GABRB2: variants seen among roughly 807,000 people sequenced by gnomAD.
GABRB2 encodes gamma-aminobutyric acid receptor subunit beta-2.
A neutral mutation model predicts 54.7 loss-of-function variants in GABRB2; 16 were observed. The observed-to-expected ratio is 0.29, with a 90% CI of 0.20 to 0.44. GABRB2 has a LOEUF of 0.44. GABRB2 is among the 20% of genes least tolerant of loss of function. GABRB2 has a pLI of 1.00. For missense variants in GABRB2, 355 were observed against 644.0 expected, an observed-to-expected ratio of 0.55 and a Z score of 4.86; for synonymous variants, 244 against 233.8, an observed-to-expected ratio of 1.04 and a Z score of -0.40.
At chr5:161,349,240 C>T (rs572537763) in intron 5 of GABRB2, among the ~76,000 whole-genome samples, 2 of 151,860 alleles carry the variant, frequency 1.3e-5, no homozygotes, top group African/African-American at 4.8e-5. Flanking sequence ...AAAAAAATTC[C>T]TTAAATAAAC....
chr5:161,444,408 A>T (rs1757553899), intron 4 of GABRB2, among the ~76,000 whole-genome samples: 1 of 152,178 alleles, frequency 6.6e-6, no homozygotes, highest in African/African-American at 2.4e-5. Context: ...TCTCACTAGA[A>T]AGGGTTTTCT....
chr5:161,382,663 G>A (rs1370801754), intron 5 of GABRB2, among the ~76,000 whole-genome samples: 1 of 152,068 alleles, frequency 6.6e-6, no homozygotes, highest in African/African-American at 2.4e-5. Flanking sequence ...GGCTCCTAAG[G>A]ACCTAAAATC....
At chr5:161,490,070 A>T (rs1295830815) in intron 3 of GABRB2, among the ~76,000 whole-genome samples, 1 of 151,706 alleles carries the variant, frequency 6.6e-6, no homozygotes, top group Non-Finnish European at 1.5e-5. Flanking sequence ...TGCCCTACAT[A>T]TAAATGTTTT....
At chr5:161,386,080 G>A (rs1256682078) in intron 5 of GABRB2, among the ~76,000 whole-genome samples, 1 of 151,452 alleles carries the variant, frequency 6.6e-6, no homozygotes, top group East Asian at 1.9e-4. Context: ...TTGACCACTA[G>A]ACAGTTTCCA....
At chr5:161,477,783 A>C (rs746200811) in intron 3 of GABRB2, among the ~76,000 whole-genome samples, 1 of 151,938 alleles carries the variant, frequency 6.6e-6, no homozygotes, top group Non-Finnish European at 1.5e-5. Flanking sequence ...ATAAAGTAGC[A>C]TAGTGGTTTT....
At chr5:161,503,616 G>A (rs961282483) in intron 3 of GABRB2, among the ~76,000 whole-genome samples, 1 of 148,456 alleles carries the variant, frequency 6.7e-6, no homozygotes, top group Admixed American at 6.9e-5. Context: ...ACTGAGAGCA[G>A]AAGAATCCCT....
At chr5:161,442,241 C>A (rs917622423) in intron 4 of GABRB2, among the ~76,000 whole-genome samples, 1 of 151,904 alleles carries the variant, frequency 6.6e-6, no homozygotes. Flanking sequence ...TGTACCCCTA[C>A]AAATGTACTT....
chr5:161,343,756 G>A (rs13184488), intron 5 of GABRB2, among the ~76,000 whole-genome samples: 4,022 of 152,130 alleles, frequency 0.026, 71 homozygotes, highest in Non-Finnish European at 0.034. Context: ...TATAAGGTCC[G>A]TCTCTACAGA....
chr5:161,513,656 G>C (rs1004724444), intron 3 of GABRB2, among the ~76,000 whole-genome samples: 1 of 151,978 alleles, frequency 6.6e-6, no homozygotes, highest in Admixed American at 6.6e-5. Flanking sequence ...TGGCTGGCAA[G>C]GGTTGAAAAA....
chr5:161,457,947 G>A (rs1016459915), intron 4 of GABRB2, among the ~76,000 whole-genome samples: 4 of 152,048 alleles, frequency 2.6e-5, no homozygotes, highest in African/African-American at 7.2e-5. Flanking sequence ...AAGAGTGCAG[G>A]GTGATTTCTG....
intron 9 of GABRB2, among the ~76,000 whole-genome samples, chr5:161,301,155 C>A (rs1757526681): frequency 6.6e-6 from 1 of 152,110 alleles, no homozygotes. Flanking sequence ...GGTTTCTGTT[C>A]CCAATTACCA....
chr5:161,355,708 T>TA (rs1189919022), intron 5 of GABRB2, among the ~76,000 whole-genome samples: 6 of 150,892 alleles, frequency 4.0e-5, no homozygotes, highest in African/African-American at 4.9e-5. Flanking sequence ...TAGTAACTGA[T>TA]AAAAAAAAAG....
At chr5:161,310,671 A>G (rs879673381) in intron 9 of GABRB2, among the ~76,000 whole-genome samples, 60 of 122,814 alleles carry the variant, frequency 4.9e-4, no homozygotes, top group Non-Finnish European at 6.7e-4. Flanking sequence ...ACGCACGCGC[A>G]CGCGCGCACA....
At chr5:161,535,471 T>C (rs1760604345) in intron 3 of GABRB2, among the ~76,000 whole-genome samples, 1 of 152,140 alleles carries the variant, frequency 6.6e-6, no homozygotes, top group Admixed American at 6.5e-5. Context: ...AAAACAACTA[T>C]AACGAAACAA....
intron 3 of GABRB2, among the ~76,000 whole-genome samples, chr5:161,503,815 T>C (rs1437270761): frequency 6.6e-6 from 1 of 151,690 alleles, no homozygotes; most frequent in Non-Finnish European, 1.5e-5. Flanking sequence ...TTGCCCTTCA[T>C]AAGAGAGGCA....
chr5:161,412,846 T>G (rs1756560193), intron 4 of GABRB2, among the ~76,000 whole-genome samples: 1 of 152,220 alleles, frequency 6.6e-6, no homozygotes, highest in South Asian at 2.1e-4. Context: ...ATGCTCCATC[T>G]TATCTTTCTG....
intron 3 of GABRB2, among the ~76,000 whole-genome samples, chr5:161,538,003 G>A (rs1461878856): frequency 4.0e-5 from 6 of 151,896 alleles, no homozygotes; most frequent in South Asian, 2.1e-4. Flanking sequence ...TCGTTTCCAT[G>A]TAATATATTA....
chr5:161,399,058 T>G (rs1404169953), intron 5 of GABRB2, among the ~76,000 whole-genome samples: 1 of 152,160 alleles, frequency 6.6e-6, no homozygotes, highest in Non-Finnish European at 1.5e-5. Flanking sequence ...TGGAGGTGGG[T>G]TCTGTCTCAT....
rs576722513 is a variant in GABRB2, at chr5:161,316,449, G to A, written c.1191+9919C>T. 3.3e-5 allele frequency among the ~76,000 whole-genome samples: 5 copies of A among 151,490 alleles called. No individual in the cohort carries two copies. The South Asian group carries it at 1.0e-3, about 31-fold the overall frequency. ...CATTGCAAGAAAGGCGGTCAGCATG[G>A]GTTTGCCTACACCCAAGGCAGGGCA... On this transcript the variant is annotated intron_variant, in intron 9 of 9. Transcript: ENST00000393959.
Sources: gnomAD v4.1 joint callset for allele counts (sites outside exome capture counted in the v4.1 genomes callset) on GRCh38, gnomAD v4.1.1 for gene constraint, MANE v1.5 for transcripts, NCBI Gene and HGNC (gene_info 2026-07-23, HGNC 2026-07-21) for gene names.